The following AKAP9 variants were observed in gnomAD, a reference collection of about 807,000 sequenced individuals.
The protein encoded by AKAP9 is A-kinase anchor protein 9.
AKAP9 carries 311 observed loss-of-function variants against 488.5 expected under a neutral mutation model. That is an observed-to-expected ratio of 0.64 (90% CI 0.58 to 0.70). The LOEUF is 0.70. Ranked by LOEUF, AKAP9 falls within the 30% of genes least tolerant of loss-of-function variation. The pLI is 0.00. For missense variants in AKAP9, 4,215 were observed against 4,374.5 expected (o/e 0.96, Z 1.03); for synonymous variants, 1,462 against 1,483.5 (o/e 0.99, Z 0.33).
intron 14 of AKAP9, among the ~76,000 whole-genome samples, chr7:92,025,259 T>C (rs1397246446): frequency 6.6e-6 from 1 of 152,220 alleles, no homozygotes; most frequent in Non-Finnish European, 1.5e-5. Context: ...GAGAGGCTTC[T>C]GGAAACATAG....
At chr7:91,966,561 A>T (rs1247365180) in intron 1 of AKAP9, among the ~76,000 whole-genome samples, 1 of 152,174 alleles carries the variant, frequency 6.6e-6, no homozygotes, top group East Asian at 1.9e-4. Context: ...AATTTAGCCT[A>T]TTTAGTGTGT....
At chr7:92,051,359 G>A (rs1377467238) in intron 21 of AKAP9, among the ~76,000 whole-genome samples, 1 of 152,200 alleles carries the variant, frequency 6.6e-6, no homozygotes, top group Non-Finnish European at 1.5e-5. Flanking sequence ...ACTTCTAAAT[G>A]TTTTCAAGGC....
In AKAP9 at chr7:91,952,282, G is replaced by T. The variant is rs376547689; in HGVS notation, c.48+11135G>T. 3.9e-5 allele frequency among the ~76,000 whole-genome samples: 6 copies of T among 152,280 alleles called. No homozygotes were observed. The East Asian group carries it at 1.2e-3, about 29-fold the overall frequency. ...AGGGAGCTATTTATTTACTCATTCA[G>T]TAAATATGATTGAACACTTACTACT... On this transcript the variant is annotated intron_variant, in intron 1 of 49. Coordinates refer to ENST00000356239, the MANE Select transcript of AKAP9 (RefSeq NM_005751.5).
At chr7:91,974,305 T>C (rs1312598790) in intron 2 of AKAP9, among the ~76,000 whole-genome samples, 1 of 151,096 alleles carries the variant, frequency 6.6e-6, no homozygotes, top group Non-Finnish European at 1.5e-5. Flanking sequence ...AGACCTTTGC[T>C]AGTATGAGAG....
intron 8 of AKAP9, among the ~76,000 whole-genome samples, chr7:92,008,421 C>T (rs149947158): frequency 0.014 from 2,182 of 152,196 alleles, 44 homozygotes; most frequent in African/African-American, 0.05. Context: ...GGCGTGGTGG[C>T]TCATGCCTGT....
At position 92,022,891 on chromosome 7, in the gene AKAP9, G is replaced by C; in HGVS notation, c.4030G>C (p.Glu1344Gln). ...ACTTGAAGAACAAGTTCAAGAATTA[G>C]AAAGCCTCATATCCTCTTTGCAGCA... Reference protein sequence around the residue: ...TKLEEQVQELESLISSLQQQL... With the variant: ...TKLEEQVQELQSLISSLQQQL... The change falls in exon 14 of 50, where the codon GAA becomes CAA. Residue 1344 changes from glutamate to glutamine, a missense_variant. By Grantham distance (29) the Glu-to-Gln change is conservative. Around this residue, in one of 5 missense-constraint regions of AKAP9, gnomAD observed 2,361 missense variants for 2,430.0 expected, o/e 0.97. Transcript: ENST00000356239. The C allele has an allele frequency of 6.2e-7, 1 of 1,612,484 alleles. No individual in the cohort carries two copies. The highest frequency in any genetic ancestry group is 8.5e-7 in the Non-Finnish European group (1 of 1,178,698).
At position 92,084,876 on chromosome 7, in the gene AKAP9, T is replaced by C. The variant is rs754236526; in HGVS notation, c.8768T>C (p.Ile2923Thr). The C allele has an allele frequency of 6.2e-7, 1 of 1,613,414 alleles. No individual in the cohort carries two copies. Among genetic ancestry groups the C allele is most frequent in the East Asian group, 2.2e-5 (1 of 44,796 alleles). ...CTTACACACAGTCAGGGATTTGACA[T>C]AGCATCAGAAGGCCGAGGAGAAGAA... ...IYLTHSQGFD[I>T]ASEGRGEESE... Residue 2923 changes from isoleucine to threonine, a missense_variant, in exon 35 of 50, where the codon ATA becomes ACA. This residue lies in a region of AKAP9 where 1,476 missense variants were observed against 1,477.4 expected (regional missense o/e 1.00). Transcript: ENST00000356239.
chr7:91,951,291 C>G (rs1465940637), intron 1 of AKAP9, among the ~76,000 whole-genome samples: 1 of 151,646 alleles, frequency 6.6e-6, no homozygotes, highest in East Asian at 1.9e-4. Context: ...ATCTCACTCT[C>G]TTTCTCTCTA....
At chr7:92,014,074 G>A (rs1801165980) in intron 9 of AKAP9, among the ~76,000 whole-genome samples, 175 bp from the exon 10 acceptor site, 1 of 152,072 alleles carries the variant, frequency 6.6e-6, no homozygotes, top group Non-Finnish European at 1.5e-5. Context: ...GATAGAAATG[G>A]AAAATCTCAC....
In AKAP9 at chr7:92,041,094, G is replaced by A. The variant is rs575837805; in HGVS notation, c.4917+196G>A. ...TACTAAGACAGCAGCTTTAGATCTT[G>A]TTAGGGACACCTATCTCAACCTTGG... On this transcript the variant is annotated intron_variant, in intron 18 of 49. Coordinates refer to ENST00000356239, the MANE Select transcript of AKAP9 (RefSeq NM_005751.5). 230 of 538,728 alleles carry A rather than the reference G, an allele frequency of 4.3e-4. 3 individuals are homozygous for A. In the South Asian group the frequency reaches 6.4e-3, roughly 15 times the overall value. 33.4% of individuals were successfully genotyped at this position (538,728 alleles called of 1,614,324 possible).
intron 12 of AKAP9, 98 bp downstream of exon 12, chr7:92,017,200 G>T (rs1757119483): frequency 1.1e-6 from 1 of 929,952 alleles, no homozygotes; most frequent in South Asian, 1.5e-5. Context: ...TAAAGTAAGA[G>T]AACATGAAAA....
At chr7:92,072,039 C>T (rs1584425113) in intron 28 of AKAP9, among the ~76,000 whole-genome samples, 1 of 152,184 alleles carries the variant, frequency 6.6e-6, no homozygotes, top group African/African-American at 2.4e-5. Flanking sequence ...AAAGAGCTAA[C>T]ATTTAAAGAT....
chr7:91,998,396 T>G (rs1798679306), intron 7 of AKAP9, among the ~76,000 whole-genome samples: 1 of 141,680 alleles, frequency 7.1e-6, no homozygotes, highest in African/African-American at 2.6e-5. Context: ...TTCCAAAAGA[T>G]AGTGTATTCA....
intron 3 of AKAP9, among the ~76,000 whole-genome samples, chr7:91,985,149 T>C (rs1359668075): frequency 3.9e-5 from 6 of 152,206 alleles, no homozygotes; most frequent in Non-Finnish European, 8.8e-5. Flanking sequence ...TCCAAGACTA[T>C]GTTGAATAGG....
chr7:92,004,014 C>T (rs1189477312), intron 8 of AKAP9, among the ~76,000 whole-genome samples: 1 of 152,064 alleles, frequency 6.6e-6, no homozygotes, highest in Non-Finnish European at 1.5e-5. Flanking sequence ...TCTCAAAGAG[C>T]ATATATTTTA....
chr7:92,008,353 A>G (rs1800213379), intron 8 of AKAP9, among the ~76,000 whole-genome samples: 1 of 149,232 alleles, frequency 6.7e-6, no homozygotes, highest in African/African-American at 2.5e-5. Flanking sequence ...GGCGACAGAA[A>G]AAAAGAAAAG....
intron 16 of AKAP9, among the ~76,000 whole-genome samples, chr7:92,035,875 C>T (rs1202651817): frequency 6.6e-6 from 1 of 152,228 alleles, no homozygotes; most frequent in African/African-American, 2.4e-5. Flanking sequence ...AATTCAGATG[C>T]AATTATTGCC....
Position 92,000,933 on chromosome 7 carries a change from TAGA to T in AKAP9, c.1024_1026del (p.Glu342del), listed in dbSNP as rs1327665070. On this transcript the variant is annotated inframe_deletion, in exon 8 of 50. Coordinates refer to ENST00000356239, the MANE Select transcript of AKAP9 (RefSeq NM_005751.5). ...ATTGAAGAATTAAACACAAAAATAATAGAAGAAGAAAAGAAAACTCTTGAGCTA... is the reference window on the plus strand; with the variant it reads ...ATTGAAGAATTAAACACAAAAATAATAGAAGAAAAGAAAACTCTTGAGCTA... The T allele has an allele frequency of 4.7e-6, 7 of 1,481,116 alleles. No individual in the cohort carries two copies. Among genetic ancestry groups the T allele is most frequent in the South Asian group, 2.6e-5 (2 of 75,708 alleles). The allele number at this position is 1,481,116 out of a possible 1,614,324, so 91.7% of individuals were successfully genotyped here. A position where few individuals can be genotyped will look rare whatever the true frequency, so the allele number is the denominator to read the frequency against.
intron 1 of AKAP9, among the ~76,000 whole-genome samples, chr7:91,965,945 A>G (rs974269506): frequency 1.3e-5 from 2 of 152,224 alleles, no homozygotes; most frequent in African/African-American, 4.8e-5. Flanking sequence ...ACTCCCTGTC[A>G]GATGAATAGT....
Sources: gnomAD v4.1 joint callset for allele counts (sites outside exome capture counted in the v4.1 genomes callset) on GRCh38, gnomAD v4.1.1 for gene constraint, gnomAD v4.1.1 regional missense constraint, MANE v1.5 for transcripts, NCBI Gene and HGNC (gene_info 2026-07-23, HGNC 2026-07-21) for gene names.